Variants in FNDC3B observed in about 807,000 individuals in gnomAD.
FNDC3B encodes fibronectin type III domain-containing protein 3B.
A neutral mutation model predicts 151.5 loss-of-function variants in FNDC3B; 12 were observed. The ratio of observed to expected loss-of-function variants is 0.08; its 90% CI spans 0.05 to 0.13. FNDC3B has a LOEUF of 0.13. FNDC3B is among the 10% of genes least tolerant of loss of function. The pLI, the probability that FNDC3B is intolerant of heterozygous loss-of-function variation, is 1.00. For missense variants in FNDC3B, 1,214 were observed against 1,505.3 expected (o/e 0.81, Z 3.20); for synonymous variants, 528 against 549.0 (o/e 0.96, Z 0.54).
At chr3:172,190,858 G>T (rs1400403791) in intron 3 of FNDC3B, among the ~76,000 whole-genome samples, 1 of 152,094 alleles carries the variant, frequency 6.6e-6, no homozygotes, top group African/African-American at 2.4e-5. Context: ...TAGTAGAGAC[G>T]GGGTCTCTTC....
chr3:172,048,719 A>G (rs914527611), intron 1 of FNDC3B, among the ~76,000 whole-genome samples: 5 of 152,208 alleles, frequency 3.3e-5, no homozygotes, highest in Non-Finnish European at 5.9e-5. Flanking sequence ...ATGAATGGAT[A>G]AACAAAATAT....
chr3:172,232,152 A>C (rs1726926005), intron 4 of FNDC3B, among the ~76,000 whole-genome samples: 1 of 152,158 alleles, frequency 6.6e-6, no homozygotes, highest in East Asian at 1.9e-4. Context: ...AAGTGCTGGG[A>C]TTACAGGTGT....
chr3:172,076,142 G>A (rs1192238939), intron 1 of FNDC3B, among the ~76,000 whole-genome samples: 1 of 152,094 alleles, frequency 6.6e-6, no homozygotes, highest in African/African-American at 2.4e-5. Flanking sequence ...TCCCTCTTAA[G>A]GTACCAGAAG....
intron 3 of FNDC3B, among the ~76,000 whole-genome samples, chr3:172,182,989 T>C (rs1202301396): frequency 1.3e-5 from 2 of 152,218 alleles, no homozygotes; most frequent in Non-Finnish European, 2.9e-5. Flanking sequence ...CAAAGCAAGA[T>C]ACAGCAAGCT....
intron 3 of FNDC3B, among the ~76,000 whole-genome samples, chr3:172,219,842 C>G (rs1243016330): frequency 6.6e-6 from 1 of 152,162 alleles, no homozygotes; most frequent in Non-Finnish European, 1.5e-5. Flanking sequence ...CACATTTTAT[C>G]CATCCTTCTC....
Position 172,251,404 on chromosome 3 carries a change from G to T in FNDC3B, c.653G>T (p.Cys218Phe). 1 of 1,614,090 alleles carries T rather than the reference G, an allele frequency of 6.2e-7. No homozygotes were observed. Among genetic ancestry groups the T allele is most frequent in the Non-Finnish European group, 8.5e-7 (1 of 1,180,020 alleles). Residue 218 changes from cysteine to phenylalanine, a missense_variant, in exon 6 of 26, where the codon TGC becomes TTC. This residue lies in a region of FNDC3B where 166 missense variants were observed against 173.2 expected (regional missense o/e 0.96). Coordinates refer to ENST00000415807, the MANE Select transcript of FNDC3B (RefSeq NM_022763.4). ...SPPSSIYKSSCTTVYNGYGKG... is the reference protein window; with the variant it reads ...SPPSSIYKSSFTTVYNGYGKG... ...CCTTCTTCTATCTACAAAAGCAGCT[G>T]CACAACAGTATACAATGGCTATGGG...
intron 3 of FNDC3B, among the ~76,000 whole-genome samples, chr3:172,139,083 G>A (rs989033022): frequency 3.3e-5 from 5 of 150,308 alleles, no homozygotes; most frequent in South Asian, 2.1e-4. Context: ...CCCATCCCCC[G>A]CCCCTCCATG....
intron 3 of FNDC3B, among the ~76,000 whole-genome samples, chr3:172,219,858 G>A (rs1043445897): frequency 6.6e-6 from 1 of 152,132 alleles, no homozygotes; most frequent in African/African-American, 2.4e-5. Flanking sequence ...TTCTCCTGAT[G>A]GACATTTCAG....
chr3:172,224,223 G>A (rs560829219), intron 3 of FNDC3B, among the ~76,000 whole-genome samples: 35 of 152,338 alleles, frequency 2.3e-4, no homozygotes, highest in African/African-American at 8.4e-4. Context: ...CTCGTTGGCT[G>A]TGTCAAAAAT....
At chr3:172,364,665 C>T (rs1298399191) in intron 23 of FNDC3B, among the ~76,000 whole-genome samples, 1 of 152,164 alleles carries the variant, frequency 6.6e-6, no homozygotes, top group African/African-American at 2.4e-5. Flanking sequence ...CAAAAGCTCC[C>T]CAAGCACTTT....
chr3:172,370,504 A>G (rs1045299227), intron 23 of FNDC3B, among the ~76,000 whole-genome samples: 3 of 152,258 alleles, frequency 2.0e-5, no homozygotes, highest in African/African-American at 7.2e-5. Flanking sequence ...TTTCTAGTGC[A>G]TATTCAATAA....
intron 3 of FNDC3B, among the ~76,000 whole-genome samples, chr3:172,142,047 A>G (rs964810292): frequency 7.9e-5 from 12 of 152,200 alleles, no homozygotes; most frequent in African/African-American, 2.9e-4. Flanking sequence ...TCTACACCTC[A>G]GTTTCCTTAT....
At chr3:172,267,897 T>C (rs1729007125) in intron 6 of FNDC3B, among the ~76,000 whole-genome samples, 1 of 152,238 alleles carries the variant, frequency 6.6e-6, no homozygotes. Context: ...AGGTGTCTTT[T>C]CTCTGATGGC....
At chr3:172,208,871 A>AGCTCCATGCACCAGCATAGGTGCTG (rs1484608065) in intron 3 of FNDC3B, among the ~76,000 whole-genome samples, 11 of 152,126 alleles carry the variant, frequency 7.2e-5, no homozygotes, top group African/African-American at 2.4e-4. Flanking sequence ...TGGGGTGGGC[A>AGCTCCATGCACCAGCATAGGTGCTG]GCTCCATGCA....
At chr3:172,355,518 G>T (rs377197448) in intron 22 of FNDC3B, among the ~76,000 whole-genome samples, 15 of 50,998 alleles carry the variant, frequency 2.9e-4, no homozygotes, top group East Asian at 2.3e-3. Context: ...GAAAATCTAG[G>T]GGGGGGGCCT....
intron 16 of FNDC3B, among the ~76,000 whole-genome samples, chr3:172,338,938 C>T (rs1220970527): frequency 1.3e-5 from 2 of 151,790 alleles, no homozygotes; most frequent in Admixed American, 1.3e-4. Context: ...GGGGTTTCAC[C>T]GTTTTACCCA....
intron 2 of FNDC3B, among the ~76,000 whole-genome samples, chr3:172,119,007 A>T (rs1254961251): frequency 6.6e-6 from 1 of 151,866 alleles, no homozygotes; most frequent in African/African-American, 2.4e-5. Flanking sequence ...TCTCTACTAA[A>T]AATACAAAAA....
chr3:172,173,836 C>T (rs1307163123), intron 3 of FNDC3B, among the ~76,000 whole-genome samples: 4 of 128,700 alleles, frequency 3.1e-5, no homozygotes, highest in Admixed American at 2.4e-4. Context: ...GGGTGGGGCG[C>T]GGGGTGGGAA....
chr3:172,219,120 T>C (rs1726141351), intron 3 of FNDC3B, among the ~76,000 whole-genome samples: 1 of 152,226 alleles, frequency 6.6e-6, no homozygotes, highest in African/African-American at 2.4e-5. Context: ...ACTTCTACTA[T>C]ATCCTAAGGG....
Sources: gnomAD v4.1 joint callset for allele counts (sites outside exome capture counted in the v4.1 genomes callset) on GRCh38, gnomAD v4.1.1 for gene constraint, gnomAD v4.1.1 regional missense constraint, MANE v1.5 for transcripts, NCBI Gene and HGNC (gene_info 2026-07-23, HGNC 2026-07-21) for gene names.